NAALADL2: variants seen among roughly 807,000 people sequenced by gnomAD.
NAALADL2 encodes N-acetylated alpha-linked acidic dipeptidase like 2, also known as inactive N-acetylated-alpha-linked acidic dipeptidase-like protein 2.
A neutral mutation model predicts 87.2 loss-of-function variants in NAALADL2; 76 were observed. The ratio of observed to expected loss-of-function variants is 0.87; its 90% CI spans 0.72 to 1.05. The LOEUF is 1.05. Among genes scored for constraint, NAALADL2 ranks in the 50% least tolerant of loss-of-function variants. NAALADL2 has a pLI of 0.00. For missense variants in NAALADL2, 1,089 were observed against 945.8 expected, an observed-to-expected ratio of 1.15 and a Z score of -1.99; for synonymous variants, 354 against 331.0, an observed-to-expected ratio of 1.07 and a Z score of -0.75.
chr3:174,780,295 G>T (rs550948158), intron 3 of NAALADL2, among the ~76,000 whole-genome samples: 22 of 152,190 alleles, frequency 1.4e-4, no homozygotes, highest in Admixed American at 1.4e-3. Context: ...TCTGTTATTG[G>T]TGTATAGCAA....
chr3:175,323,693 G>T (rs1202289669), intron 4 of NAALADL2, among the ~76,000 whole-genome samples: 1 of 151,444 alleles, frequency 6.6e-6, no homozygotes, highest in Non-Finnish European at 1.5e-5. Flanking sequence ...AAAGCTTCTG[G>T]GCTTGATAGA....
chr3:174,579,909 T>C (rs2108556670), intron 2 of NAALADL2, among the ~76,000 whole-genome samples: 1 of 152,166 alleles, frequency 6.6e-6, no homozygotes, highest in East Asian at 1.9e-4. Context: ...GTATTTACTT[T>C]GTGTGGAGCC....
intron 1 of NAALADL2, among the ~76,000 whole-genome samples, chr3:174,902,174 C>T (rs1732395796): frequency 6.6e-6 from 1 of 152,100 alleles, no homozygotes. Flanking sequence ...TAGCTAAACC[C>T]TTTTGTCCCA....
At position 175,278,431 on chromosome 3, in the gene NAALADL2, T is replaced by G. The variant is rs533360779; in HGVS notation, c.939+21901T>G. 7.2e-5 allele frequency among the ~76,000 whole-genome samples: 11 copies of G among 152,318 alleles called. No homozygotes were observed. In the East Asian group the frequency reaches 1.5e-3, roughly 21 times the overall value. ...CCTATTTGTTCACTGAGTACCTGCG[T>G]CTAACCATGTTATTTGAAGTTCAAA... is the stretch of plus-strand genomic sequence containing the variant. On this transcript the variant is annotated intron_variant, in intron 4 of 13. Coordinates refer to ENST00000454872, the MANE Select transcript of NAALADL2 (RefSeq NM_207015.3).
At chr3:174,639,792 G>A (rs569671277) in intron 2 of NAALADL2, among the ~76,000 whole-genome samples, 257 of 152,274 alleles carry the variant, frequency 1.7e-3, no homozygotes, top group African/African-American at 6.0e-3. Flanking sequence ...TGTTGCAAAT[G>A]TAATTTCTGC....
At chr3:174,571,540 C>T (rs923240752) in intron 2 of NAALADL2, among the ~76,000 whole-genome samples, 14 of 151,972 alleles carry the variant, frequency 9.2e-5, no homozygotes, top group Admixed American at 5.3e-4. Context: ...CCACCACACC[C>T]GGCTAATTTT....
intron 6 of NAALADL2, among the ~76,000 whole-genome samples, chr3:175,447,668 T>C (rs994540434): frequency 1.3e-5 from 2 of 152,202 alleles, no homozygotes; most frequent in African/African-American, 4.8e-5. Context: ...CTGCTTAACA[T>C]AGCTTCCCGG....
At chr3:174,496,197 A>C (rs1718525880) in intron 1 of NAALADL2, among the ~76,000 whole-genome samples, 1 of 152,114 alleles carries the variant, frequency 6.6e-6, no homozygotes. Context: ...CTGTGCACAT[A>C]CTATCTCTAT....
chr3:175,211,391 T>A (rs1432044625), intron 2 of NAALADL2, among the ~76,000 whole-genome samples: 3 of 151,944 alleles, frequency 2.0e-5, no homozygotes, highest in African/African-American at 7.2e-5. Context: ...TAAGGAGAAG[T>A]AGCTCAATGA....
chr3:175,640,539 A>T (rs1426736614), intron 11 of NAALADL2, among the ~76,000 whole-genome samples: 1 of 152,172 alleles, frequency 6.6e-6, no homozygotes, highest in Non-Finnish European at 1.5e-5. Flanking sequence ...ACTAAGTGAG[A>T]TATGCATAGA....
At chr3:175,682,176 A>G (rs754121465) in intron 11 of NAALADL2, among the ~76,000 whole-genome samples, 3 of 152,088 alleles carry the variant, frequency 2.0e-5, no homozygotes, top group Non-Finnish European at 4.4e-5. Context: ...CAACCTGCAA[A>G]CCCAAATTCC....
chr3:175,711,400 A>C (rs913051576), intron 11 of NAALADL2, among the ~76,000 whole-genome samples: 4 of 151,898 alleles, frequency 2.6e-5, no homozygotes, highest in African/African-American at 9.7e-5. Context: ...AAATTCTGCA[A>C]TGTGGTTTAC....
intron 6 of NAALADL2, among the ~76,000 whole-genome samples, chr3:175,453,251 A>G (rs1721842772): frequency 1.3e-5 from 2 of 152,242 alleles, no homozygotes; most frequent in South Asian, 4.1e-4. Flanking sequence ...ATTAGCGTAC[A>G]CCCTATCTTT....
At chr3:174,631,142 T>A (rs553859221) in intron 2 of NAALADL2, among the ~76,000 whole-genome samples, 1 of 152,308 alleles carries the variant, frequency 6.6e-6, no homozygotes, top group South Asian at 2.1e-4. Flanking sequence ...CTGTATGTGG[T>A]CAAATCCTGC....
intron 1 of NAALADL2, among the ~76,000 whole-genome samples, chr3:174,941,566 T>A (rs1230783504): frequency 1.3e-5 from 2 of 152,134 alleles, no homozygotes; most frequent in African/African-American, 4.8e-5. Context: ...ATTTTCTGCC[T>A]TGACAATCTC....
At chr3:175,220,371 T>C (rs1333932442) in intron 2 of NAALADL2, among the ~76,000 whole-genome samples, 2 of 151,866 alleles carry the variant, frequency 1.3e-5, no homozygotes, top group African/African-American at 4.8e-5. Flanking sequence ...TATAATATTA[T>C]AATTAACTAT....
chr3:175,115,458 C>T (rs1452299110), intron 2 of NAALADL2, among the ~76,000 whole-genome samples: 5 of 150,352 alleles, frequency 3.3e-5, no homozygotes, highest in Non-Finnish European at 7.4e-5. Flanking sequence ...AATACTTTCA[C>T]AAGTCACATG....
At chr3:175,406,141 C>A (rs1332212187) in intron 5 of NAALADL2, among the ~76,000 whole-genome samples, 1 of 152,012 alleles carries the variant, frequency 6.6e-6, no homozygotes, top group African/African-American at 2.4e-5. Flanking sequence ...AGAAAGTAAA[C>A]CAAGGTAATA....
intron 13 of NAALADL2, among the ~76,000 whole-genome samples, chr3:175,799,089 C>T (rs897559103): frequency 6.6e-6 from 1 of 151,972 alleles, no homozygotes. Context: ...GCATACTAAA[C>T]AATTTGTCCT....
Sources: gnomAD v4.1 joint callset for allele counts (sites outside exome capture counted in the v4.1 genomes callset) on GRCh38, gnomAD v4.1.1 for gene constraint, MANE v1.5 for transcripts, NCBI Gene and HGNC (gene_info 2026-07-23, HGNC 2026-07-21) for gene names.